The following CTNNA2 variants were observed in gnomAD, a reference collection of about 807,000 sequenced individuals.
CTNNA2 encodes catenin alpha-2.
Under a neutral mutation model 101.0 loss-of-function variants are expected in CTNNA2, and 42 were observed. That is an observed-to-expected ratio of 0.42 (90% confidence interval 0.32 to 0.54). The LOEUF is 0.54. CTNNA2 is among the 20% of genes least tolerant of loss of function. CTNNA2 has a pLI of 0.14. For synonymous variants in CTNNA2, 450 were observed against 456.4 expected, an observed-to-expected ratio of 0.99 and a Z score of 0.18; for missense variants, 871 against 1,223.1, an observed-to-expected ratio of 0.71 and a Z score of 4.29.
intron 3 of CTNNA2, among the ~76,000 whole-genome samples, chr2:79,811,192 GT>G (rs887013880): frequency 1.6e-4 from 25 of 152,002 alleles, no homozygotes; most frequent in African/African-American, 5.3e-4. Context: ...AGCACCTGTT[GT>G]TTCCTGACTT....
chr2:79,866,003 G>A (rs766892454), intron 4 of CTNNA2, among the ~76,000 whole-genome samples: 4 of 152,352 alleles, frequency 2.6e-5, no homozygotes, highest in Non-Finnish European at 5.9e-5. Context: ...ACAGGCGTGA[G>A]CCACCGCGGC....
At position 79,449,270 on chromosome 2, in the gene CTNNA2, A is replaced by G. The variant is rs150920863; in HGVS notation, c.-134-55784A>G. ...TATGAGAGAATGGAAGTGATAAGAA[A>G]TTGAAATGTACATAATTCTTTAGAG... On this transcript the variant is annotated intron_variant, in intron 4 of 21. Coordinates refer to the CTNNA2 transcript ENST00000466387. Among the ~76,000 whole-genome samples the G allele has an allele frequency of 2.3e-3, 348 of 152,196 alleles. 1 individual carries two copies. Among genetic ancestry groups the G allele is most frequent in the Middle Eastern group, 6.8e-3 (2 of 294 alleles).
chr2:79,548,383 A>G (rs1457974140), intron 1 of CTNNA2, among the ~76,000 whole-genome samples: 1 of 152,070 alleles, frequency 6.6e-6, no homozygotes, highest in Non-Finnish European at 1.5e-5. Context: ...TCACATTTCC[A>G]TTTTTAATGA....
chr2:80,251,723 A>G (rs1671782383), intron 7 of CTNNA2, among the ~76,000 whole-genome samples: 1 of 152,196 alleles, frequency 6.6e-6, no homozygotes, highest in African/African-American at 2.4e-5. Context: ...GGAAAAAGAA[A>G]ATGGCAGACA....
chr2:80,511,150 C>T (rs1293083751), intron 9 of CTNNA2, among the ~76,000 whole-genome samples: 1 of 152,176 alleles, frequency 6.6e-6, no homozygotes. Flanking sequence ...ATATTCATCC[C>T]TACCTTTTTA....
chr2:79,422,402 G>A (rs1332432237), intron 4 of CTNNA2, among the ~76,000 whole-genome samples: 1 of 152,042 alleles, frequency 6.6e-6, no homozygotes, highest in Non-Finnish European at 1.5e-5. Context: ...GTAGAGCCCA[G>A]GCATGCTGCT....
chr2:80,412,304 C>T (rs1291635627), intron 8 of CTNNA2, among the ~76,000 whole-genome samples: 2 of 152,208 alleles, frequency 1.3e-5, no homozygotes, highest in Non-Finnish European at 2.9e-5. Flanking sequence ...GGAAAAGTCC[C>T]GATCAACCCT....
chr2:80,266,589 A>G (rs1673019664), intron 7 of CTNNA2, among the ~76,000 whole-genome samples: 2 of 152,248 alleles, frequency 1.3e-5, no homozygotes, highest in South Asian at 4.1e-4. Context: ...GAATTTTCCT[A>G]TGCTAGGCTG....
At chr2:80,136,368 A>T (rs536869129) in intron 7 of CTNNA2, among the ~76,000 whole-genome samples, 37 of 152,288 alleles carry the variant, frequency 2.4e-4, no homozygotes, top group African/African-American at 8.7e-4. Flanking sequence ...CTTTGGCAGG[A>T]AGGTCTTGTG....
chr2:80,078,025 A>G (rs1698872026), intron 7 of CTNNA2, among the ~76,000 whole-genome samples: 1 of 152,232 alleles, frequency 6.6e-6, no homozygotes, highest in South Asian at 2.1e-4. Flanking sequence ...AAAGGTAGGG[A>G]AAGATTCCAC....
chr2:79,501,503 C>G (rs1671319066), intron 4 of CTNNA2, among the ~76,000 whole-genome samples: 1 of 152,174 alleles, frequency 6.6e-6, no homozygotes, highest in Admixed American at 6.5e-5. Flanking sequence ...ATGCATTCAA[C>G]TGCCGTAATA....
chr2:80,622,460 G>A (rs1486356869), intron 18 of CTNNA2, among the ~76,000 whole-genome samples: 2 of 151,892 alleles, frequency 1.3e-5, no homozygotes, highest in Non-Finnish European at 2.9e-5. Flanking sequence ...GTGTAACCAA[G>A]ATGACTTTAT....
At chr2:79,283,574 T>G (rs1376872137) in intron 2 of CTNNA2, among the ~76,000 whole-genome samples, 1 of 141,826 alleles carries the variant, frequency 7.1e-6, no homozygotes, top group Non-Finnish European at 1.6e-5. Context: ...GTTGTAGATA[T>G]GCGGCGTTAT....
chr2:79,787,429 T>A (rs998109460), intron 3 of CTNNA2, among the ~76,000 whole-genome samples: 1 of 152,084 alleles, frequency 6.6e-6, no homozygotes, highest in African/African-American at 2.4e-5. Flanking sequence ...CAGGGTTGTT[T>A]GTGTTGTTCA....
At chr2:79,767,774 G>A (rs548939511) in intron 3 of CTNNA2, among the ~76,000 whole-genome samples, 4 of 151,878 alleles carry the variant, frequency 2.6e-5, no homozygotes, top group African/African-American at 4.8e-5. Flanking sequence ...TCTGATTGGT[G>A]CCCTATCCTG....
chr2:80,245,794 CTTTTTTTTT>C (rs34625586), intron 7 of CTNNA2, among the ~76,000 whole-genome samples: 1 of 58,912 alleles, frequency 1.7e-5, no homozygotes, highest in African/African-American at 8.2e-5. Context: ...TATGATTTAA[CTTTTTTTTT>C]TTTTTTTTTT....
At chr2:80,629,879 C>A (rs1672096949) in intron 18 of CTNNA2, among the ~76,000 whole-genome samples, 1 of 152,196 alleles carries the variant, frequency 6.6e-6, no homozygotes, top group African/African-American at 2.4e-5. Flanking sequence ...TGGTTGAAAT[C>A]TTGACCTTTC....
chr2:80,560,314 T>G (rs1031318205), intron 12 of CTNNA2, among the ~76,000 whole-genome samples: 13 of 152,118 alleles, frequency 8.5e-5, no homozygotes, highest in African/African-American at 3.1e-4. Context: ...GAAATCTTAT[T>G]GAGAGGGTAC....
At chr2:80,022,444 A>T (rs1694629867) in intron 7 of CTNNA2, among the ~76,000 whole-genome samples, 2 of 152,270 alleles carry the variant, frequency 1.3e-5, no homozygotes, top group Admixed American at 1.3e-4. Flanking sequence ...AAAGCGTTTG[A>T]TCTGAGAGCT....
Sources: allele counts gnomAD v4.1 joint callset (sites outside exome capture counted in the v4.1 genomes callset), GRCh38; gene constraint gnomAD v4.1.1; transcripts MANE v1.5; gene names NCBI Gene and HGNC (gene_info 2026-07-23, HGNC 2026-07-21).